IRAG1: variants seen among roughly 807,000 people sequenced by gnomAD.
The protein encoded by IRAG1 is IP3R-associated cGMP kinase substrate.
IRAG1 carries 62 observed loss-of-function variants against 106.2 expected under a neutral mutation model. The ratio of observed to expected loss-of-function variants is 0.58; its 90% confidence interval spans 0.48 to 0.72. IRAG1 has a LOEUF of 0.72. IRAG1 is among the 30% of genes least tolerant of loss of function. The pLI is 0.00. For synonymous variants in IRAG1, 462 were observed against 443.9 expected (o/e 1.04, Z -0.51); for missense variants, 1,064 against 1,140.7 (o/e 0.93, Z 0.97).
At chr11:10,585,645 T>A (rs1183071264) in intron 18 of IRAG1, among the ~76,000 whole-genome samples, 4 of 131,598 alleles carry the variant, frequency 3.0e-5, no homozygotes, top group Non-Finnish European at 5.1e-5. Context: ...AGAATGTGTA[T>A]GATCTCGGGA....
intron 11 of IRAG1, among the ~76,000 whole-genome samples, chr11:10,608,218 G>A (rs2134383402): frequency 6.6e-6 from 1 of 152,224 alleles, no homozygotes; most frequent in East Asian, 1.9e-4. Context: ...TTGAACTCCT[G>A]GGTTCAAGCA....
At chr11:10,660,701 T>C (rs10770131) in intron 1 of IRAG1, among the ~76,000 whole-genome samples, 101,594 of 152,080 alleles carry the variant, frequency 0.67, 35,481 homozygotes, top group East Asian at 0.97. Flanking sequence ...CCAAGTGGAC[T>C]ATGAATCCCT....
chr11:10,642,485 T>A (rs372926436), intron 2 of IRAG1, among the ~76,000 whole-genome samples: 1 of 151,968 alleles, frequency 6.6e-6, no homozygotes, highest in Non-Finnish European at 1.5e-5. Flanking sequence ...CAGGCAGGCA[T>A]GGGGGGTTTA....
At chr11:10,636,838 A>G (rs1438809292) in intron 2 of IRAG1, among the ~76,000 whole-genome samples, 2 of 152,214 alleles carry the variant, frequency 1.3e-5, no homozygotes, top group Non-Finnish European at 2.9e-5. Context: ...ATGTTAGAGG[A>G]CAGGATTTGG....
In IRAG1 at chr11:10,665,789, T is replaced by C. The variant is rs539325392; in HGVS notation, c.68-13607A>G. Among the ~76,000 whole-genome samples, 12 of 152,264 alleles carry C rather than the reference T, an allele frequency of 7.9e-5. No individual in the cohort carries two copies. Among genetic ancestry groups the C allele is most frequent in the Admixed American group, 4.6e-4 (7 of 15,300 alleles). On this transcript the variant is annotated intron_variant, in intron 1 of 20. Coordinates refer to ENST00000423302, the MANE Select transcript of IRAG1 (RefSeq NM_130385.4). This position sits in a 1 kb window ranked among gnomAD's most constrained non-coding sequence, Gnocchi z 4.2. Reference sequence around the variant, plus strand: ...TTGGCCAGGGTCTTTTTTTCACCAATAGACTCTGAGCTGAACTGCAGGATG... The same window carrying C: ...TTGGCCAGGGTCTTTTTTTCACCAACAGACTCTGAGCTGAACTGCAGGATG...
chr11:10,651,614 T>A (rs1858513652), intron 2 of IRAG1, among the ~76,000 whole-genome samples: 1 of 152,262 alleles, frequency 6.6e-6, no homozygotes, highest in Admixed American at 6.5e-5. Context: ...CCTTTTTTGC[T>A]ATTTACTATA....
chr11:10,689,891 T>C (rs1861930615), intron 1 of IRAG1, among the ~76,000 whole-genome samples: 2 of 152,368 alleles, frequency 1.3e-5, no homozygotes, highest in South Asian at 2.1e-4. Flanking sequence ...TTTTTATTTC[T>C]TTATATTTAT....
At position 10,626,523 on chromosome 11, in the gene IRAG1, T is replaced by C. The variant is rs201141684; in HGVS notation, c.811A>G (p.Arg271Gly). Residue 271 changes from arginine to glycine, a missense_variant, in exon 9 of 21, where the codon AGG becomes GGG. Transcript: ENST00000423302. ...QNDQRKVSQG[R>G]LAPRPPPVEK... ...ACTGGAGGAGGACGAGGAGCCAGCCTGCCCTGAGACACTTTCCTCTGGTCA... is the reference window on the plus strand; with the variant it reads ...ACTGGAGGAGGACGAGGAGCCAGCCCGCCCTGAGACACTTTCCTCTGGTCA... 1.2e-6 allele frequency: 2 copies of C among 1,613,280 alleles called. No individual in the cohort carries two copies. Among genetic ancestry groups the C allele is most frequent in the East Asian group, 4.5e-5 (2 of 44,894 alleles).
At chr11:10,640,623 C>T (rs1232510002) in intron 2 of IRAG1, among the ~76,000 whole-genome samples, 1 of 152,150 alleles carries the variant, frequency 6.6e-6, no homozygotes, top group East Asian at 1.9e-4. Context: ...ATTCTAGGGG[C>T]CCTCTGGGGT....
intron 18 of IRAG1, among the ~76,000 whole-genome samples, chr11:10,584,174 CTG>C (rs1851684764): frequency 6.6e-6 from 1 of 152,146 alleles, no homozygotes; most frequent in Non-Finnish European, 1.5e-5. Flanking sequence ...CAAGGCAACA[CTG>C]TGAGCAGAGC....
chr11:10,645,544 A>G (rs1857873740), intron 2 of IRAG1, among the ~76,000 whole-genome samples: 1 of 152,228 alleles, frequency 6.6e-6, no homozygotes, highest in African/African-American at 2.4e-5. Context: ...TAACTGCTCT[A>G]AATTCGCACT....
In IRAG1 at chr11:10,623,248, G is replaced by A. The variant is rs183993302; in HGVS notation, c.1447+530C>T. Among the ~76,000 whole-genome samples the A allele has an allele frequency of 1.4e-3, 208 of 152,256 alleles. 1 individual carries two copies. In the Middle Eastern group the frequency reaches 0.017, roughly 12 times the overall value. ...GGGTCAGAACCCTACTGAGAACATC[G>A]GCAGAGGTGAGTGCAGAGAGGGAGG... On this transcript the variant is annotated intron_variant, in intron 10 of 20. Transcript: ENST00000423302.
chr11:10,579,118 G>A (rs1292550618), intron 20 of IRAG1, among the ~76,000 whole-genome samples: 1 of 152,186 alleles, frequency 6.6e-6, no homozygotes, highest in Non-Finnish European at 1.5e-5. Flanking sequence ...TTTCACTGGG[G>A]AGACAGTGTG....
chr11:10,584,861 T>C (rs968308605), intron 18 of IRAG1, among the ~76,000 whole-genome samples: 1 of 152,072 alleles, frequency 6.6e-6, no homozygotes, highest in Non-Finnish European at 1.5e-5. Context: ...TTCTGGAATA[T>C]GGCACTCAAC....
rs1434521186 is a variant in IRAG1 at position 10,625,954 on chromosome 11, C to T, written c.1368+12G>A. ...AGTACACACTCTGCCCAACTGGCCC[C>T]CAGGAACCCACCTCTCGGAGCTTGG... On this transcript the variant is annotated intron_variant, in intron 9 of 20. Coordinates refer to ENST00000423302, the MANE Select transcript of IRAG1 (RefSeq NM_130385.4). The T allele has an allele frequency of 3.4e-6, 5 of 1,463,864 alleles. 1 individual carries two copies. The South Asian group carries it at 8.0e-5, about 23-fold the overall frequency. The allele number at this position is 1,463,864 out of a possible 1,614,324, so 90.7% of individuals were successfully genotyped here.
intron 10 of IRAG1, chr11:10,617,061 C>T: frequency 1.0e-6 from 1 of 985,256 alleles, no homozygotes; most frequent in Non-Finnish European, 1.2e-6. Flanking sequence ...TCAGGGAGGC[C>T]TCTTTCCTGC....
At chr11:10,687,551 A>T in intron 1 of IRAG1, 2 of 696,452 alleles carry the variant, frequency 2.9e-6, no homozygotes, top group South Asian at 4.4e-5. Context: ...CATCAGTCAT[A>T]CGGGTGATAT....
rs773393062 is a variant in IRAG1, at chr11:10,632,016, C to T, written c.375G>A (p.Val125=). The T allele has an allele frequency of 1.2e-4, 200 of 1,613,728 alleles. No homozygotes were observed. Among genetic ancestry groups the T allele is most frequent in the Non-Finnish European group, 1.7e-4 (195 of 1,179,844 alleles). The change falls in exon 4 of 21, where the codon GTG becomes GTA. Residue 125 remains valine, a synonymous_variant. Transcript: ENST00000423302. ...HKRLSHRHLK[V]STASLTSVDP... ...CCACAGATGTCAGGGAGGCAGTGGA[C>T]ACCTTCAAGTGTCGGTGAGAAAGCC...
intron 1 of IRAG1, among the ~76,000 whole-genome samples, chr11:10,674,331 T>G (rs755744942): frequency 1.3e-5 from 2 of 152,212 alleles, no homozygotes; most frequent in African/African-American, 4.8e-5. Context: ...ATTCCTCATC[T>G]GAGGCATTTA....
Sources: allele counts gnomAD v4.1 joint callset (sites outside exome capture counted in the v4.1 genomes callset), GRCh38; gene constraint gnomAD v4.1.1; non-coding constraint Gnocchi (gnomAD v3.1); transcripts MANE v1.5; gene names NCBI Gene and HGNC (gene_info 2026-07-23, HGNC 2026-07-21).